The following GCNT2 variants were observed in gnomAD, a reference collection of about 807,000 sequenced individuals.
GCNT2 encodes N-acetyllactosaminide beta-1,6-N-acetylglucosaminyl-transferase.
GCNT2 carries 34 observed loss-of-function variants against 34.2 expected under a neutral mutation model. That is an observed-to-expected ratio of 1.00 (90% confidence interval 0.76 to 1.32). GCNT2 has a LOEUF of 1.32. Ranked by LOEUF, GCNT2 falls within the 40% of genes most tolerant of loss-of-function variation. The probability of loss-of-function intolerance (pLI) is 0.00; values close to 1 mark genes in which losing one functional copy is unlikely to be tolerated. For missense variants in GCNT2, 584 were observed against 489.4 expected, an observed-to-expected ratio of 1.19 and a Z score of -1.82; for synonymous variants, 212 against 188.0, an observed-to-expected ratio of 1.13 and a Z score of -1.04.
rs375974158 is a variant in GCNT2 at position 10,614,261 on chromosome 6, T to C, written c.926-7090T>C. Among the ~76,000 whole-genome samples the C allele has an allele frequency of 1.6e-4, 25 of 152,166 alleles. 1 individual carries two copies. The East Asian group carries it at 4.6e-3, about 28-fold the overall frequency. ...CAAGTTGAACCAAGCAGGACAGATA[T>C]GGAGAATGGATGATTGCTGATCACC... On this transcript the variant is annotated intron_variant, in intron 3 of 4. Transcript: ENST00000495262.
At chr6:10,537,254 C>G (rs1170364434) in intron 3 of GCNT2, among the ~76,000 whole-genome samples, 3 of 152,210 alleles carry the variant, frequency 2.0e-5, no homozygotes, top group Non-Finnish European at 4.4e-5. Context: ...TCACTGATCA[C>G]TGAGTTTGTT....
intron 3 of GCNT2, among the ~76,000 whole-genome samples, chr6:10,585,595 G>A (rs1764307309): frequency 6.6e-6 from 1 of 152,214 alleles, no homozygotes; most frequent in African/African-American, 2.4e-5. Flanking sequence ...GGGAAAGGCG[G>A]TGAGGGTGAA....
At chr6:10,588,364 C>T (rs1305541894) in intron 3 of GCNT2, among the ~76,000 whole-genome samples, 1 of 149,738 alleles carries the variant, frequency 6.7e-6, no homozygotes, top group Non-Finnish European at 1.5e-5. Context: ...TTGGTGATAG[C>T]CTACATCGTT....
At chr6:10,524,343 C>T (rs1426066770) in intron 1 of GCNT2, among the ~76,000 whole-genome samples, 1 of 151,568 alleles carries the variant, frequency 6.6e-6, no homozygotes, top group Admixed American at 6.6e-5. Context: ...CTTCGCCTCC[C>T]GGGGTTCAAG....
At chr6:10,606,660 A>G (rs1429519610) in intron 3 of GCNT2, among the ~76,000 whole-genome samples, 1 of 150,656 alleles carries the variant, frequency 6.6e-6, no homozygotes, top group Non-Finnish European at 1.5e-5. Context: ...GGAAATTTCC[A>G]TTAAAGAAAT....
rs35318346 is a variant in GCNT2, at chr6:10,557,110, T to C, written c.925+27274T>C. ...CTCATGCAATTGGACGGACTAAATA[T>C]GTCCACCAAGAGCACCTGGGCAAAG... On this transcript the variant is annotated intron_variant, in intron 3 of 4. Coordinates refer to ENST00000495262, the MANE Select transcript of GCNT2 (RefSeq NM_145649.5). The C allele has an allele frequency of 1.2e-3, 1,853 of 1,564,624 alleles. 24 individuals are homozygous for C. In the African/African-American group the frequency reaches 0.022, roughly 18 times the overall value.
In GCNT2 at chr6:10,529,837, G is replaced by C. The variant is rs1365788197; in HGVS notation, c.925+1G>C. On this transcript the variant is annotated splice_donor_variant, in intron 3 of 4. Coordinates refer to ENST00000495262, the MANE Select transcript of GCNT2 (RefSeq NM_145649.5). LOFTEE classifies it high-confidence loss of function. ...TGGGTGACACTCAACAGGATTCCCG[G>C]TATGTACGTCTCTTAACTTTTATTT... The C allele has an allele frequency of 3.7e-6, 6 of 1,608,754 alleles. No homozygotes were observed. In the South Asian group the frequency reaches 6.6e-5, roughly 18 times the overall value.
At chr6:10,614,842 C>T (rs561128206) in intron 3 of GCNT2, among the ~76,000 whole-genome samples, 5 of 152,178 alleles carry the variant, frequency 3.3e-5, no homozygotes, top group South Asian at 2.1e-4. Flanking sequence ...TGGGAATGGA[C>T]GCGCGTTCAT....
At chr6:10,610,471 A>G (rs924654987) in intron 3 of GCNT2, among the ~76,000 whole-genome samples, 8 of 152,318 alleles carry the variant, frequency 5.3e-5, no homozygotes, top group Middle Eastern at 3.4e-3. Context: ...CCAATGGACC[A>G]TGTCAGCATT....
At chr6:10,557,409 G>A (rs1400659423) in intron 3 of GCNT2, 6 of 1,242,806 alleles carry the variant, frequency 4.8e-6, no homozygotes, top group Non-Finnish European at 4.7e-6. Context: ...AGAATAACCA[G>A]CCACTTTTTA....
At chr6:10,546,854 C>T (rs936907348) in intron 3 of GCNT2, among the ~76,000 whole-genome samples, 1 of 152,098 alleles carries the variant, frequency 6.6e-6, no homozygotes, top group Admixed American at 6.6e-5. Flanking sequence ...CTTCATCCTT[C>T]TCTGTATTAC....
intron 3 of GCNT2, among the ~76,000 whole-genome samples, chr6:10,618,266 T>C (rs1056510145): frequency 6.6e-5 from 10 of 152,218 alleles, no homozygotes; most frequent in African/African-American, 2.4e-4. Flanking sequence ...ATGCATAATA[T>C]GTAAGCACAT....
At chr6:10,621,095 G>A (rs1766014887) in intron 3 of GCNT2, among the ~76,000 whole-genome samples, 1 of 152,160 alleles carries the variant, frequency 6.6e-6, no homozygotes, top group East Asian at 1.9e-4. Context: ...GATCAGAATT[G>A]TATTAGTATA....
chr6:10,576,047 G>T (rs1175702328), intron 3 of GCNT2, among the ~76,000 whole-genome samples: 1 of 152,142 alleles, frequency 6.6e-6, no homozygotes, highest in South Asian at 2.1e-4. Flanking sequence ...TCACACGGAC[G>T]TGCATGAAAA....
At chr6:10,601,952 A>C (rs912854697) in intron 3 of GCNT2, among the ~76,000 whole-genome samples, 23 of 148,894 alleles carry the variant, frequency 1.5e-4, no homozygotes, top group South Asian at 4.2e-4. Context: ...AGAAAAAAAA[A>C]AAAAAAAACA....
intron 3 of GCNT2, among the ~76,000 whole-genome samples, chr6:10,595,340 C>T (rs1023592483): frequency 2.6e-5 from 4 of 151,856 alleles, no homozygotes; most frequent in Non-Finnish European, 5.9e-5. Context: ...TGCAGTGGCG[C>T]GATCTTGGCT....
chr6:10,603,873 T>C (rs1765191053), intron 3 of GCNT2, among the ~76,000 whole-genome samples: 1 of 134,060 alleles, frequency 7.5e-6, no homozygotes, highest in Non-Finnish European at 1.7e-5. Flanking sequence ...GTTTGCTTGT[T>C]TGTTTTTTGG....
At chr6:10,582,185 AT>A (rs1271408453) in intron 3 of GCNT2, among the ~76,000 whole-genome samples, 4 of 129,746 alleles carry the variant, frequency 3.1e-5, no homozygotes, top group Admixed American at 1.8e-4. Context: ...TATAAAATAT[AT>A]TTTTATATAA....
intron 3 of GCNT2, 21 bp from the exon 4 acceptor site, chr6:10,621,330 T>G (rs768023106): frequency 1.3e-5 from 19 of 1,505,224 alleles, no homozygotes; most frequent in African/African-American, 6.9e-5. Context: ...TCTCTACGCT[T>G]CTTCTTTATC....
Sources: gnomAD v4.1 joint callset for allele counts (sites outside exome capture counted in the v4.1 genomes callset) on GRCh38, gnomAD v4.1.1 for gene constraint, MANE v1.5 for transcripts, NCBI Gene and HGNC (gene_info 2026-07-23, HGNC 2026-07-21) for gene names.